FCRL2: variants seen among roughly 807,000 people sequenced by gnomAD.
The protein encoded by FCRL2 is Fc receptor like 2.
In FCRL2, 48 loss-of-function variants were observed where a neutral mutation model predicts 59.8. The observed-to-expected ratio is 0.80, with a 90% CI of 0.64 to 1.02. The LOEUF (loss-of-function observed/expected upper bound fraction) is 1.02. FCRL2 is among the 50% of genes least tolerant of loss of function. The pLI, the probability that FCRL2 is intolerant of heterozygous loss-of-function variation, is 0.00. For missense variants in FCRL2, 658 were observed against 597.3 expected (o/e 1.10, Z -1.06); for synonymous variants, 251 against 229.5 (o/e 1.09, Z -0.85).
At chr1:157,774,089 A>C (rs1481720056) in intron 2 of FCRL2, among the ~76,000 whole-genome samples, 1 of 152,250 alleles carries the variant, frequency 6.6e-6, no homozygotes, top group Non-Finnish European at 1.5e-5. Flanking sequence ...TTACCAGAGC[A>C]ACAGCAAAAA....
chr1:157,746,926 A>G (rs994103449), intron 10 of FCRL2, 27 bp from the exon 11 acceptor site: 1 of 1,610,266 alleles, frequency 6.2e-7, no homozygotes, highest in Admixed American at 1.7e-5. Flanking sequence ...AATAGTTCTG[A>G]GCTCTTGCAT....
rs1374236324 is a variant in FCRL2, at chr1:157,748,918, G to T, written c.1350C>A (p.Ser450Arg). The change falls in exon 9 of 12, where the codon AGC (serine) becomes AGA (arginine). Residue 450 changes from serine to arginine, a missense_variant. Coordinates refer to ENST00000361516, the MANE Select transcript of FCRL2 (RefSeq NM_030764.4). ...RPNPQEFTYS[S>R]PTPDMEELQP... ...GCAGCTCCTCCATGTCTGGGGTTGG[G>T]CTTGAATAGGTGAACTCTTGAGGAT... The T allele has an allele frequency of 6.2e-7, 1 of 1,613,958 alleles. No individual in the cohort carries two copies. Among genetic ancestry groups the T allele is most frequent in the Non-Finnish European group, 8.5e-7 (1 of 1,179,944 alleles).
chr1:157,768,416 C>T lies in FCRL2; in HGVS notation c.881G>A (p.Arg294Lys). 6.8e-6 allele frequency: 11 copies of T among 1,612,836 alleles called. No individual in the cohort carries two copies. The highest frequency in any genetic ancestry group is 9.3e-6 in the Non-Finnish European group (11 of 1,178,998). ...IQSKVVNIPV[R>K]IPVSRPVLTL... ...ATATGAATGAGAGTGTCACTCACTT[C>T]TCACAGGGATATTCACCACCTTGCT... is the stretch of plus-strand genomic sequence containing the variant. Residue 294 changes from arginine to lysine, a missense_variant and splice_region_variant, in exon 5 of 12, where the codon AGA becomes AAA. Transcript: ENST00000361516.
In FCRL2 at chr1:157,766,899, G is replaced by A; in HGVS notation, c.1235C>T (p.Thr412Ile). The A allele has an allele frequency of 6.2e-7, 1 of 1,614,180 alleles. No individual in the cohort carries two copies. Among genetic ancestry groups the A allele is most frequent in the East Asian group, 2.2e-5 (1 of 44,882 alleles). The change falls in exon 7 of 12, where the codon ACT becomes ATT. Residue 412 changes from threonine (T) to isoleucine (I), a missense_variant. Coordinates refer to ENST00000361516, the MANE Select transcript of FCRL2 (RefSeq NM_030764.4). Reference protein sequence around the residue: ...LWGLFGVLGFTGVALLLYALF... With the variant: ...LWGLFGVLGFIGVALLLYALF... Reference sequence around the variant, plus strand: ...GGCATACAACAGCAAAGCAACACCAGTGAAACCAAGGACACCAAACAGTCC... The same window carrying A: ...GGCATACAACAGCAAAGCAACACCAATGAAACCAAGGACACCAAACAGTCC...
At chr1:157,760,691 GA>G (rs1557860328) in intron 7 of FCRL2, among the ~76,000 whole-genome samples, 2,751 of 122,654 alleles carry the variant, frequency 0.022, 158 homozygotes, top group African/African-American at 0.091. Context: ...AAGAAAGAAA[GA>G]AAGAAGGAAA....
intron 10 of FCRL2, among the ~76,000 whole-genome samples, chr1:157,747,911 G>A (rs1349961639): frequency 6.6e-6 from 1 of 152,142 alleles, no homozygotes; most frequent in Non-Finnish European, 1.5e-5. Context: ...ATTCCTCTTG[G>A]ACTTTAGACA....
At chr1:157,761,396 G>A (rs12567349) in intron 7 of FCRL2, among the ~76,000 whole-genome samples, 22,680 of 152,112 alleles carry the variant, frequency 0.15, 1,744 homozygotes, top group East Asian at 0.23. Context: ...CAGGCAGATC[G>A]CTTGAGCTCA....
chr1:157,760,698 G>A (rs12086057), intron 7 of FCRL2, among the ~76,000 whole-genome samples: 4,023 of 96,526 alleles, frequency 0.042, 178 homozygotes, highest in African/African-American at 0.12. Flanking sequence ...AAAGAAAGAA[G>A]GAAAGAAAGA....
In FCRL2 at chr1:157,770,392, A is replaced by G. The variant is rs200843499; in HGVS notation, c.310+17T>C. ...TGGTCTCTCACCCAGCCCATCCCAC[A>G]GAAGTCAGGGTTTTACCTTGGACTT... On this transcript the variant is annotated intron_variant, in intron 3 of 11. Coordinates refer to ENST00000361516, the MANE Select transcript of FCRL2 (RefSeq NM_030764.4). 3.2e-6 allele frequency: 5 copies of G among 1,561,958 alleles called. No homozygotes were observed. The African/African-American group carries it at 9.6e-5, about 30-fold the overall frequency.
At chr1:157,756,097 A>G (rs904782015) in intron 7 of FCRL2, among the ~76,000 whole-genome samples, 7 of 152,236 alleles carry the variant, frequency 4.6e-5, no homozygotes, top group Admixed American at 4.6e-4. Context: ...TAGAGGTATC[A>G]TGGTCCTCAT....
Position 157,775,768 on chromosome 1 carries a change from G to T in FCRL2, c.52+7C>A, listed in dbSNP as rs375750151. The T allele has an allele frequency of 1.2e-5, 19 of 1,613,852 alleles. No homozygotes were observed. In the African/African-American group the frequency reaches 2.5e-4, roughly 22 times the overall value. On this transcript the variant is annotated splice_region_variant and intron_variant, in intron 2 of 11. Transcript: ENST00000361516. The stretch of plus-strand genomic sequence containing the variant: ...GACCAAGAACAACAAAGACAAGGAG[G>T]ACTCACCTGCCTGTTCAGTGACTGC...
chr1:157,760,345 G>A (rs369617173), intron 7 of FCRL2, among the ~76,000 whole-genome samples: 54 of 152,138 alleles, frequency 3.5e-4, no homozygotes, highest in Middle Eastern at 6.8e-3. Context: ...GGGGCCAGGC[G>A]TGGTGGCTCA....
In FCRL2 at chr1:157,770,169, A is replaced by G. The variant is rs774224110; in HGVS notation, c.311-19T>C. ...AAGAGCTCTAGAGAGAAGGATCACAATAGTCCCCAAAGCAGTGACAGCTAA... is the reference window on the plus strand; with the variant it reads ...AAGAGCTCTAGAGAGAAGGATCACAGTAGTCCCCAAAGCAGTGACAGCTAA... On this transcript the variant is annotated intron_variant, in intron 3 of 11. Transcript: ENST00000361516. 2 of 1,607,780 alleles carry G rather than the reference A, an allele frequency of 1.2e-6. No homozygotes were observed. Among genetic ancestry groups the G allele is most frequent in the Non-Finnish European group, 1.7e-6 (2 of 1,175,974 alleles).
intron 7 of FCRL2, among the ~76,000 whole-genome samples, chr1:157,757,130 C>A (rs1648649284): frequency 6.6e-6 from 1 of 152,118 alleles, no homozygotes; most frequent in African/African-American, 2.4e-5. Context: ...TGGTTATGAC[C>A]ATATGACTTA....
At chr1:157,762,633 T>C (rs554373544) in intron 7 of FCRL2, among the ~76,000 whole-genome samples, 1 of 152,312 alleles carries the variant, frequency 6.6e-6, no homozygotes, top group South Asian at 2.1e-4. Context: ...GTCTTTTCCA[T>C]GGCACATTAT....
At chr1:157,775,050 G>T (rs532679149) in intron 2 of FCRL2, among the ~76,000 whole-genome samples, 1 of 152,262 alleles carries the variant, frequency 6.6e-6, no homozygotes, top group African/African-American at 2.4e-5. Context: ...CACTCTTTAT[G>T]ATTAGAACAG....
chr1:157,750,062 A>G (rs1460072795), intron 7 of FCRL2, among the ~76,000 whole-genome samples: 1 of 152,140 alleles, frequency 6.6e-6, no homozygotes, highest in Non-Finnish European at 1.5e-5. Flanking sequence ...TCTGTATTAG[A>G]TTTTATGCAG....
Position 157,775,772 on chromosome 1 carries a change from C to A in FCRL2, c.52+3G>T. 1 of 1,614,092 alleles carries A rather than the reference C, an allele frequency of 6.2e-7. No individual in the cohort carries two copies. Among genetic ancestry groups the A allele is most frequent in the South Asian group, 1.1e-5 (1 of 91,074 alleles). ...AAGAACAACAAAGACAAGGAGGACTCACCTGCCTGTTCAGTGACTGCATCT... is the reference window on the plus strand; with the variant it reads ...AAGAACAACAAAGACAAGGAGGACTAACCTGCCTGTTCAGTGACTGCATCT... On this transcript the variant is annotated splice_donor_region_variant and intron_variant, in intron 2 of 11. Coordinates refer to ENST00000361516, the MANE Select transcript of FCRL2 (RefSeq NM_030764.4).
intron 1 of FCRL2, among the ~76,000 whole-genome samples, chr1:157,776,268 T>A (rs1021168957): frequency 3.3e-5 from 5 of 152,172 alleles, no homozygotes; most frequent in African/African-American, 1.2e-4. Context: ...ATTTATTTAG[T>A]GCCTACACAG....
Sources: allele counts gnomAD v4.1 joint callset (sites outside exome capture counted in the v4.1 genomes callset), GRCh38; gene constraint gnomAD v4.1.1; transcripts MANE v1.5; gene names NCBI Gene and HGNC (gene_info 2026-07-23, HGNC 2026-07-21).